Variants in HMGB1 observed in about 807,000 individuals in gnomAD.
The protein encoded by HMGB1 is high mobility group protein B1.
For missense variants in HMGB1, 79 were observed against 253.5 expected, an observed-to-expected ratio of 0.31 and a Z score of 4.67; for synonymous variants, 81 against 84.0, an observed-to-expected ratio of 0.96 and a Z score of 0.19.
intron 1 of HMGB1, among the ~76,000 whole-genome samples, chr13:30,604,947 C>T (rs1182199055): frequency 1.3e-5 from 2 of 152,132 alleles, no homozygotes; most frequent in African/African-American, 4.8e-5. Flanking sequence ...CGTGAGCCAC[C>T]GCGCCCGGCC....
chr13:30,561,207 G>A (rs1463901344), intron 1 of HMGB1, among the ~76,000 whole-genome samples: 3 of 152,138 alleles, frequency 2.0e-5, no homozygotes, highest in African/African-American at 7.2e-5. Flanking sequence ...GCCAATAGAC[G>A]GCAGTATTTT....
chr13:30,561,061 G>A (rs1869930396), intron 1 of HMGB1, among the ~76,000 whole-genome samples: 1 of 151,960 alleles, frequency 6.6e-6, no homozygotes, highest in African/African-American at 2.4e-5. Context: ...TGGGAGCCAG[G>A]TACCCCCTGG....
chr13:30,567,891 T>C (rs1057508883), intron 1 of HMGB1, among the ~76,000 whole-genome samples: 1 of 152,182 alleles, frequency 6.6e-6, no homozygotes, highest in Admixed American at 6.5e-5. Context: ...TAAACAGCAT[T>C]GACACACTTG....
At chr13:30,545,041 T>G (rs1869087341) in intron 1 of HMGB1, among the ~76,000 whole-genome samples, 1 of 152,180 alleles carries the variant, frequency 6.6e-6, no homozygotes, top group African/African-American at 2.4e-5. Context: ...AAAAAACTAT[T>G]TTTTTTCTTA....
chr13:30,590,602 C>T (rs980429837), intron 1 of HMGB1, among the ~76,000 whole-genome samples: 8 of 152,212 alleles, frequency 5.3e-5, no homozygotes, highest in East Asian at 1.9e-4. Flanking sequence ...AATGACAAGC[C>T]GTTCAATGCT....
intron 1 of HMGB1, among the ~76,000 whole-genome samples, chr13:30,519,883 CT>C (rs1458951612): frequency 6.6e-6 from 1 of 152,160 alleles, no homozygotes; most frequent in Non-Finnish European, 1.5e-5. Flanking sequence ...TTAAACTAAA[CT>C]ATGAGATGAT....
At chr13:30,528,040 A>C (rs573371477) in intron 1 of HMGB1, among the ~76,000 whole-genome samples, 9 of 152,206 alleles carry the variant, frequency 5.9e-5, no homozygotes, top group Non-Finnish European at 1.2e-4. Context: ...GGTGAACCTA[A>C]ATTGGAAAAA....
rs544700898 is a variant in HMGB1, at chr13:30,601,866, T to A, written c.-15+14805A>T. Among the ~76,000 whole-genome samples, 5 of 151,248 alleles carry A rather than the reference T, an allele frequency of 3.3e-5. No individual in the cohort carries two copies. The South Asian group carries it at 1.0e-3, about 32-fold the overall frequency. On this transcript the variant is annotated intron_variant, in intron 1 of 4. Transcript: ENST00000405805. ...ATGAATTAATCCACATATATTATAG[T>A]GTGGTAGAATGCAGCAGAACTGATG...
chr13:30,583,403 C>T (rs1344801102), intron 1 of HMGB1, among the ~76,000 whole-genome samples: 1 of 149,960 alleles, frequency 6.7e-6, no homozygotes, highest in African/African-American at 2.5e-5. Context: ...CATGGTGGTG[C>T]ACCTATAGTC....
chr13:30,515,039 C>G (rs941581265), intron 1 of HMGB1, among the ~76,000 whole-genome samples: 3 of 152,212 alleles, frequency 2.0e-5, no homozygotes, highest in African/African-American at 4.8e-5. Flanking sequence ...GGGCCTGACC[C>G]TCATCATACT....
intron 1 of HMGB1, among the ~76,000 whole-genome samples, chr13:30,570,871 T>C (rs1485981513): frequency 1.3e-5 from 2 of 152,254 alleles, no homozygotes; most frequent in Admixed American, 6.5e-5. Flanking sequence ...GGGGGAGTTC[T>C]AATTTCATGC....
At position 30,529,007 on chromosome 13, in the gene HMGB1, C is replaced by T. The variant is rs183114019; in HGVS notation, c.-14-65313G>A. On this transcript the variant is annotated intron_variant, in intron 1 of 4. Coordinates refer to the HMGB1 transcript ENST00000405805. ...TCGCGCCACTGCACTCCAGCCTGGG[C>T]GACAGGGCGAGACTGCGTCTCAAAA... 8.7e-3 allele frequency among the ~76,000 whole-genome samples: 1,015 copies of T among 116,284 alleles called. 12 individuals are homozygous for T. Among genetic ancestry groups the T allele is most frequent in the African/African-American group, 0.027 (798 of 29,434 alleles). 76.3% of individuals were successfully genotyped at this position (116,284 alleles called of 152,430 possible). A position where few individuals can be genotyped will look rare whatever the true frequency, so the allele number is the denominator to read the frequency against.
intron 1 of HMGB1, among the ~76,000 whole-genome samples, chr13:30,516,603 G>T (rs572122025): frequency 6.6e-6 from 1 of 152,024 alleles, no homozygotes; most frequent in Admixed American, 6.6e-5. Context: ...ATTTTTAGTC[G>T]ATGTTAAGGA....
intron 4 of HMGB1, 98 bp downstream of exon 4, chr13:30,462,440 T>G (rs951300005): frequency 1.1e-6 from 1 of 916,202 alleles, no homozygotes; most frequent in Non-Finnish European, 1.8e-6. Flanking sequence ...ATACTTAATG[T>G]AGCTGTTACC....
intron 1 of HMGB1, among the ~76,000 whole-genome samples, chr13:30,601,454 T>G (rs1285461213): frequency 1.0e-5 from 1 of 99,562 alleles, no homozygotes; most frequent in Non-Finnish European, 1.8e-5. Context: ...ACTTTAAAAA[T>G]GAGGGTTGTG....
chr13:30,458,782 A>C lies in HMGB1; in HGVS notation c.*2575T>G, dbSNP rs1286537751. On this transcript the variant is annotated 3_prime_UTR_variant, in exon 5 of 5. Coordinates refer to ENST00000341423, the MANE Select transcript of HMGB1 (RefSeq NM_002128.7). ...TTTAATCATTACCCCTCGGGTACAC[A>C]GGACACACAAATTTCATTTTTCAGA... 6.6e-6 allele frequency: 1 copy of C among 152,324 alleles called. No homozygotes were observed. The highest frequency in any genetic ancestry group is 1.5e-5 in the Non-Finnish European group (1 of 68,032). The allele number at this position is 152,324 out of a possible 1,614,324, so 9.4% of individuals were successfully genotyped here. A position where few individuals can be genotyped will look rare whatever the true frequency, so the allele number is the denominator to read the frequency against.
intron 1 of HMGB1, among the ~76,000 whole-genome samples, chr13:30,569,540 G>A (rs975609840): frequency 7.2e-5 from 11 of 152,058 alleles, no homozygotes; most frequent in African/African-American, 2.2e-4. Context: ...CAGGATTCTG[G>A]GAGGTAGGCA....
At chr13:30,564,207 C>T (rs868806106) in intron 1 of HMGB1, among the ~76,000 whole-genome samples, 11 of 145,200 alleles carry the variant, frequency 7.6e-5, no homozygotes, top group African/African-American at 2.3e-4. Context: ...CCGCGGTGAG[C>T]GGATTGCTTG....
chr13:30,490,954 T>C (rs1393398224), intron 1 of HMGB1, among the ~76,000 whole-genome samples: 3 of 152,210 alleles, frequency 2.0e-5, no homozygotes, highest in East Asian at 1.9e-4. Context: ...TGCAAGTGAA[T>C]AGACACCAGA....
Sources: gnomAD v4.1 joint callset for allele counts (sites outside exome capture counted in the v4.1 genomes callset) on GRCh38, gnomAD v4.1.1 for gene constraint, MANE v1.5 for transcripts, NCBI Gene and HGNC (gene_info 2026-07-23, HGNC 2026-07-21) for gene names.